The following DACH2 variants were observed in gnomAD, a reference collection of about 807,000 sequenced individuals.
DACH2 encodes the protein dachshund family transcription factor 2.
DACH2 carries 17 observed loss-of-function variants against 35.8 expected under a neutral mutation model. That is an observed-to-expected ratio of 0.48 (90% CI 0.33 to 0.71). The LOEUF (loss-of-function observed/expected upper bound fraction) is 0.71, where lower values mean the gene tolerates loss of function less well. Ranked by LOEUF, DACH2 falls within the 30% of genes least tolerant of loss-of-function variation. DACH2 has a pLI of 0.02. For synonymous variants in DACH2, 195 were observed against 177.3 expected, an observed-to-expected ratio of 1.10 and a Z score of -0.79; for missense variants, 469 against 472.7, an observed-to-expected ratio of 0.99 and a Z score of 0.07.
chrX:86,270,028 T>A (rs1190460519), intron 1 of DACH2, among the ~76,000 whole-genome samples: 3 of 96,895 alleles, frequency 3.1e-5, no homozygotes, highest in Non-Finnish European at 6.0e-5. Flanking sequence ...ATATATTATA[T>A]ATATATATAT....
intron 3 of DACH2, among the ~76,000 whole-genome samples, chrX:86,646,597 T>C (rs1013116768): frequency 6.4e-5 from 7 of 110,180 alleles, no homozygotes; most frequent in African/African-American, 2.3e-4. Context: ...AGTGGTACTA[T>C]ATCAAACTAA....
At chrX:86,221,721 G>A (rs555340054) in intron 1 of DACH2, among the ~76,000 whole-genome samples, 3 of 112,138 alleles carry the variant, frequency 2.7e-5, no homozygotes, top group East Asian at 5.6e-4. Flanking sequence ...TGGAGCAATG[G>A]TAGATCCATA....
At chrX:86,164,808 C>T (rs1239580107) in intron 1 of DACH2, among the ~76,000 whole-genome samples, 2 of 111,334 alleles carry the variant, frequency 1.8e-5, no homozygotes, top group Non-Finnish European at 3.8e-5. Flanking sequence ...TGTTCTTGTA[C>T]CAGTACCATG....
At chrX:86,528,081 T>G (rs2038659649) in intron 3 of DACH2, among the ~76,000 whole-genome samples, 1 of 111,160 alleles carries the variant, frequency 9.0e-6, no homozygotes, top group African/African-American at 3.3e-5. Flanking sequence ...GGATGATCAG[T>G]GGTTTGGCTC....
chrX:86,193,274 T>C (rs1185002876), intron 1 of DACH2, among the ~76,000 whole-genome samples: 2 of 111,972 alleles, frequency 1.8e-5, no homozygotes, highest in Non-Finnish European at 3.8e-5. Context: ...CTGCAGTTAC[T>C]TTCCTTTGTG....
chrX:86,240,336 TGTTAAA>T (rs2033137866), intron 1 of DACH2, among the ~76,000 whole-genome samples: 1 of 111,048 alleles, frequency 9.0e-6, no homozygotes, highest in Non-Finnish European at 1.9e-5. Context: ...CGTTTTGGAA[TGTTAAA>T]GTTGGCTATC....
chrX:86,584,544 A>G (rs897328065), intron 3 of DACH2, among the ~76,000 whole-genome samples: 5 of 110,837 alleles, frequency 4.5e-5, no homozygotes, highest in African/African-American at 1.3e-4. Context: ...GTGGCAGTTT[A>G]AATTGTTGAT....
At chrX:86,787,419 A>G (rs1225991720) in intron 7 of DACH2, among the ~76,000 whole-genome samples, 1 of 110,979 alleles carries the variant, frequency 9.0e-6, no homozygotes, top group East Asian at 2.9e-4. Flanking sequence ...GTTTGAGACC[A>G]GCCTGGCTAA....
At chrX:86,385,045 G>T (rs954864423) in intron 2 of DACH2, among the ~76,000 whole-genome samples, 3 of 110,796 alleles carry the variant, frequency 2.7e-5, no homozygotes, top group Non-Finnish European at 5.7e-5. Context: ...TTTCAATTTG[G>T]ACATTTTCCT....
chrX:86,440,995 C>T (rs955363868), intron 2 of DACH2, among the ~76,000 whole-genome samples: 1 of 110,881 alleles, frequency 9.0e-6, no homozygotes, highest in African/African-American at 3.3e-5. Context: ...CTCCCTCGCA[C>T]CATTTCCTAG....
intron 1 of DACH2, among the ~76,000 whole-genome samples, chrX:86,311,289 G>A (rs775422216): frequency 8.9e-6 from 1 of 111,881 alleles, no homozygotes; most frequent in Non-Finnish European, 1.9e-5. Flanking sequence ...ACACAGCATT[G>A]CCTCTGATGA....
intron 4 of DACH2, among the ~76,000 whole-genome samples, chrX:86,682,854 G>A (rs1387800845): frequency 1.8e-5 from 2 of 111,224 alleles, no homozygotes; most frequent in Non-Finnish European, 3.8e-5. Context: ...TTAAAAAACT[G>A]TATTTCCTTA....
chrX:86,693,434 T>A (rs1184077128), intron 4 of DACH2, among the ~76,000 whole-genome samples: 1 of 111,856 alleles, frequency 8.9e-6, no homozygotes, highest in Non-Finnish European at 1.9e-5. Flanking sequence ...ACTCTCACTT[T>A]TGGATTACAG....
chrX:86,155,881 G>A (rs1356927070), intron 1 of DACH2, among the ~76,000 whole-genome samples: 1 of 110,714 alleles, frequency 9.0e-6, no homozygotes, highest in Non-Finnish European at 1.9e-5. Flanking sequence ...CCAGTGGTTA[G>A]GCTAATGTTG....
chrX:86,728,444 G>A (rs757862078), intron 6 of DACH2, among the ~76,000 whole-genome samples: 7 of 112,677 alleles, frequency 6.2e-5, no homozygotes, highest in African/African-American at 2.3e-4. Flanking sequence ...GCTCTTTTGG[G>A]AGAGAAATAA....
In DACH2 at chrX:86,518,642, A is replaced by G. The variant is rs1217027702; in HGVS notation, c.640+4251A>G. Among the ~76,000 whole-genome samples, 13 of 111,374 alleles carry G rather than the reference A, an allele frequency of 1.2e-4. No individual in the cohort carries two copies. In the Admixed American group the frequency reaches 1.2e-3, roughly 11 times the overall value. ...GGTTAGCTCTATTCCTAGATGTTTT[A>G]TTGATTTTATGACAATTGTGAATGG... On this transcript the variant is annotated intron_variant, in intron 3 of 11. Transcript: ENST00000373125.
intron 7 of DACH2, among the ~76,000 whole-genome samples, chrX:86,747,657 C>T (rs1439482537): frequency 3.6e-5 from 4 of 111,819 alleles, no homozygotes; most frequent in African/African-American, 6.5e-5. Flanking sequence ...TCTAAGCCTT[C>T]GCCGAGTCAT....
chrX:86,700,212 A>T (rs2041124596), intron 5 of DACH2, among the ~76,000 whole-genome samples: 1 of 111,317 alleles, frequency 9.0e-6, no homozygotes, highest in Non-Finnish European at 1.9e-5. Flanking sequence ...GCATGTGCAG[A>T]CGGGAAGAAT....
intron 1 of DACH2, among the ~76,000 whole-genome samples, chrX:86,255,450 C>T (rs1473446529): frequency 5.4e-5 from 6 of 111,577 alleles, no homozygotes; most frequent in Non-Finnish European, 1.1e-4. Context: ...GGATGAGATT[C>T]GGTTAGAAGA....
Sources: gnomAD v4.1 joint callset for allele counts (sites outside exome capture counted in the v4.1 genomes callset) on GRCh38, gnomAD v4.1.1 for gene constraint, MANE v1.5 for transcripts, NCBI Gene and HGNC (gene_info 2026-07-23, HGNC 2026-07-21) for gene names.